USP8: variants seen among roughly 807,000 people sequenced by gnomAD.
USP8 encodes the protein ubiquitin specific peptidase 8.
Under a neutral mutation model 130.0 loss-of-function variants are expected in USP8, and 27 were observed. That is an observed-to-expected ratio of 0.21 (90% CI 0.15 to 0.29). USP8 has a LOEUF of 0.29. Ranked by LOEUF, USP8 falls within the 10% of genes least tolerant of loss-of-function variation. USP8 has a pLI of 1.00. For synonymous variants in USP8, 392 were observed against 444.1 expected (o/e 0.88, Z 1.48); for missense variants, 1,029 against 1,312.2 (o/e 0.78, Z 3.33).
intron 4 of USP8, among the ~76,000 whole-genome samples, chr15:50,450,835 C>A (rs140574910): frequency 2.0e-5 from 3 of 152,060 alleles, no homozygotes; most frequent in African/African-American, 7.2e-5. Flanking sequence ...TATGTAGATC[C>A]TAGTAGATAA....
At chr15:50,476,162 C>T (rs1206394451) in intron 8 of USP8, among the ~76,000 whole-genome samples, 2 of 152,094 alleles carry the variant, frequency 1.3e-5, no homozygotes, top group Non-Finnish European at 2.9e-5. Context: ...CCATGTGCAG[C>T]GGCTCACGCC....
intron 1 of USP8, among the ~76,000 whole-genome samples, chr15:50,427,806 G>A (rs143768249): frequency 0.015 from 2,338 of 151,522 alleles, 29 homozygotes; most frequent in Non-Finnish European, 0.023. Flanking sequence ...TGATCTGCCC[G>A]CCTCAGCCTC....
intron 4 of USP8, among the ~76,000 whole-genome samples, chr15:50,449,736 C>G (rs2050557331): frequency 6.6e-6 from 1 of 151,446 alleles, no homozygotes; most frequent in South Asian, 2.1e-4. Context: ...CACCCACCAC[C>G]ACGCCCGGCT....
In USP8 at chr15:50,502,851, T is replaced by C. The variant is rs878873980; in HGVS notation, c.*3763T>C. ...ACGTGAATTCGGGTGTAATAGTACA[T>C]TGTGACCTTAGCGAAATTATTTGAC... On this transcript the variant is annotated 3_prime_UTR_variant, in exon 20 of 20. Coordinates refer to ENST00000307179, the MANE Select transcript of USP8 (RefSeq NM_005154.5). 2 of 152,274 alleles carry C rather than the reference T, an allele frequency of 1.3e-5. No homozygotes were observed. 9.4% of individuals were successfully genotyped at this position (152,274 alleles called of 1,614,324 possible).
intron 17 of USP8, among the ~76,000 whole-genome samples, chr15:50,496,480 T>TAAAA: frequency 8.6e-6 from 1 of 116,498 alleles, no homozygotes; most frequent in African/African-American, 3.3e-5. Flanking sequence ...GACTCCGTCT[T>TAAAA]AAAAAAAAAA....
At chr15:50,477,157 G>A (rs2051594659) in intron 9 of USP8, 119 bp from the exon 10 acceptor site, 1 of 1,314,148 alleles carries the variant, frequency 7.6e-7, no homozygotes, top group Non-Finnish European at 1.0e-6. Context: ...CTTTAAGACT[G>A]TTGTAATTGT....
chr15:50,482,263 G>A (rs770539588), intron 11 of USP8, among the ~76,000 whole-genome samples, 198 bp downstream of exon 11: 3 of 152,026 alleles, frequency 2.0e-5, no homozygotes, highest in Non-Finnish European at 2.9e-5. Flanking sequence ...TGATTGGTTG[G>A]GAATGAAATT....
chr15:50,497,431 A>G (rs906979624), intron 18 of USP8, 200 bp downstream of exon 18: 3 of 447,114 alleles, frequency 6.7e-6, no homozygotes, highest in African/African-American at 6.1e-5. Context: ...CAAAATGACA[A>G]TACCACTATT....
chr15:50,505,617 A>G lies in USP8; in HGVS notation c.*6529A>G, dbSNP rs1197012486. On this transcript the variant is annotated 3_prime_UTR_variant, in exon 20 of 20. Transcript: ENST00000307179. The stretch of plus-strand genomic sequence containing the variant: ...AAGATCCGGGCAAATATAACCCAAT[A>G]TGAACAGTAGAAAACCATGATAATG... 3 of 152,252 alleles carry G rather than the reference A, an allele frequency of 2.0e-5. No homozygotes were observed. The highest frequency in any genetic ancestry group is 7.2e-5 in the African/African-American group (3 of 41,474). 9.4% of individuals were successfully genotyped at this position (152,252 alleles called of 1,614,324 possible). A position where few individuals can be genotyped will look rare whatever the true frequency, so the allele number is the denominator to read the frequency against.
At chr15:50,426,021 T>G (rs944102860) in intron 1 of USP8, among the ~76,000 whole-genome samples, 5 of 152,140 alleles carry the variant, frequency 3.3e-5, no homozygotes, top group African/African-American at 1.2e-4. Flanking sequence ...CTCTGGAGGC[T>G]GAGGCAGGAG....
chr15:50,465,568 T>A (rs2051163166), intron 7 of USP8, among the ~76,000 whole-genome samples: 1 of 152,176 alleles, frequency 6.6e-6, no homozygotes, highest in Non-Finnish European at 1.5e-5. Flanking sequence ...GTATTTAGAA[T>A]CTTATCAAAA....
Position 50,451,384 on chromosome 15 carries a change from C to G in USP8, c.335+1899C>G, listed in dbSNP as rs201201303. 3.3e-5 allele frequency among the ~76,000 whole-genome samples: 5 copies of G among 152,262 alleles called. No homozygotes were observed. The East Asian group carries it at 9.7e-4, about 29-fold the overall frequency. On this transcript the variant is annotated intron_variant, in intron 4 of 19. Coordinates refer to ENST00000307179, the MANE Select transcript of USP8 (RefSeq NM_005154.5). ...TGAGATCTTGCCACTGCACTCTAGC[C>G]TGGGCGACAGAGTGAGACTCTGTCT...
At position 50,481,784 on chromosome 15, in the gene USP8, G is replaced by C; in HGVS notation, c.1522G>C (p.Glu508Gln). ...EQEQKAKKKQ[E>Q]AEENEITEKQ... ...AGAACAAAAAGCCAAAAAGAAACAA[G>C]AAGCTGAAGAAAATGAAATTACAGA... Residue 508 changes from glutamate to glutamine, a missense_variant, in exon 11 of 20, where the codon GAA (glutamate) becomes CAA (glutamine). By Grantham distance (29) the Glu-to-Gln change is conservative (BLOSUM62 2). Around this residue, in one of 4 missense-constraint regions of USP8, gnomAD observed 486 missense variants for 522.0 expected, o/e 0.93. Coordinates refer to ENST00000307179, the MANE Select transcript of USP8 (RefSeq NM_005154.5). The C allele has an allele frequency of 6.5e-7, 1 of 1,544,500 alleles. No individual in the cohort carries two copies. The highest frequency in any genetic ancestry group is 2.4e-5 in the East Asian group (1 of 42,194).
At chr15:50,448,823 A>G (rs1237533969) in intron 3 of USP8, among the ~76,000 whole-genome samples, 1 of 152,056 alleles carries the variant, frequency 6.6e-6, no homozygotes, top group African/African-American at 2.4e-5. Context: ...CCCGGCCTAG[A>G]TTATACTATT....
At chr15:50,444,930 T>G (rs1018940209) in intron 3 of USP8, among the ~76,000 whole-genome samples, 1 of 152,020 alleles carries the variant, frequency 6.6e-6, no homozygotes, top group South Asian at 2.1e-4. Flanking sequence ...GCTAATTTTT[T>G]AATTTTTAGT....
At position 50,499,235 on chromosome 15, in the gene USP8, G is replaced by A. The variant is rs1340691488; in HGVS notation, c.*147G>A. ...TGTGTTACTAGCACTATATAATTCC[G>A]GTCAGTGCTGACAAATAACATTTAA... On this transcript the variant is annotated 3_prime_UTR_variant, in exon 20 of 20. Coordinates refer to ENST00000307179, the MANE Select transcript of USP8 (RefSeq NM_005154.5). 9.1e-6 allele frequency: 6 copies of A among 658,920 alleles called. No homozygotes were observed. Among genetic ancestry groups the A allele is most frequent in the Admixed American group, 7.2e-5 (2 of 27,648 alleles). 40.8% of individuals were successfully genotyped at this position (658,920 alleles called of 1,614,324 possible).
Position 50,490,284 on chromosome 15 carries a change from ACCT to A in USP8, c.1994_1996del (p.Thr665_Phe666delinsIle). 6.2e-7 allele frequency: 1 copy of A among 1,612,870 alleles called. No individual in the cohort carries two copies. Among genetic ancestry groups the A allele is most frequent in the Non-Finnish European group, 8.5e-7 (1 of 1,179,654 alleles). On this transcript the variant is annotated inframe_deletion, in exon 14 of 20. Transcript: ENST00000307179. ...TAAGTTTCTTGACCCAATCACTGGA[ACCT>A]TTCGTTATTATCATTCACCCACCAA...
chr15:50,451,803 C>T (rs1403900884), intron 4 of USP8, among the ~76,000 whole-genome samples: 1 of 152,216 alleles, frequency 6.6e-6, no homozygotes, highest in Non-Finnish European at 1.5e-5. Context: ...CTGAAATCTG[C>T]ATGACTAGAA....
At chr15:50,427,346 G>A (rs2049771113) in intron 1 of USP8, among the ~76,000 whole-genome samples, 1 of 152,086 alleles carries the variant, frequency 6.6e-6, no homozygotes, top group African/African-American at 2.4e-5. Flanking sequence ...CCCTATAGAA[G>A]CAGACAAATA....
Sources: gnomAD v4.1 joint callset for allele counts (sites outside exome capture counted in the v4.1 genomes callset) on GRCh38, gnomAD v4.1.1 for gene constraint, gnomAD v4.1.1 regional missense constraint, MANE v1.5 for transcripts, NCBI Gene and HGNC (gene_info 2026-07-23, HGNC 2026-07-21) for gene names.